PTPRD: variants seen among roughly 807,000 people sequenced by gnomAD.
PTPRD encodes the protein protein tyrosine phosphatase receptor type D, also known as receptor-type tyrosine-protein phosphatase delta.
In PTPRD, 34 loss-of-function variants were observed where a neutral mutation model predicts 214.5. The ratio of observed to expected loss-of-function variants is 0.16; its 90% CI spans 0.12 to 0.21. PTPRD has a LOEUF of 0.21. Ranked by LOEUF, PTPRD falls within the 10% of genes least tolerant of loss-of-function variation. The pLI is 1.00. For synonymous variants in PTPRD, 1,128 were observed against 845.7 expected (o/e 1.33, Z -5.79); for missense variants, 2,545 against 2,398.7 (o/e 1.06, Z -1.27).
chr9:10,329,417 A>T (rs548975606), intron 3 of PTPRD, among the ~76,000 whole-genome samples: 1 of 151,972 alleles, frequency 6.6e-6, no homozygotes, highest in Non-Finnish European at 1.5e-5. Context: ...AATAAAATTT[A>T]AAAAGTTATT....
At chr9:9,255,471 C>T (rs2099977324) in intron 9 of PTPRD, among the ~76,000 whole-genome samples, 1 of 152,014 alleles carries the variant, frequency 6.6e-6, no homozygotes, top group Non-Finnish European at 1.5e-5. Flanking sequence ...TAATAATGCT[C>T]TATCTCTAAA....
chr9:9,837,599 C>T (rs1448805360), intron 5 of PTPRD, among the ~76,000 whole-genome samples: 1 of 152,000 alleles, frequency 6.6e-6, no homozygotes, highest in Non-Finnish European at 1.5e-5. Context: ...AAAGCAAAGA[C>T]CTAGTTTCTT....
intron 12 of PTPRD, among the ~76,000 whole-genome samples, chr9:8,686,944 A>G (rs1482047451): frequency 2.0e-5 from 3 of 152,204 alleles, no homozygotes; most frequent in Non-Finnish European, 4.4e-5. Context: ...TAACTTCTCT[A>G]TGAAGCTAAT....
intron 31 of PTPRD, among the ~76,000 whole-genome samples, chr9:8,470,266 T>A (rs1430733008): frequency 6.6e-6 from 1 of 152,104 alleles, no homozygotes; most frequent in Non-Finnish European, 1.5e-5. Context: ...TCATATTTTC[T>A]TGCCTAAATA....
intron 39 of PTPRD, among the ~76,000 whole-genome samples, chr9:8,356,951 G>C (rs2077123481): frequency 6.6e-6 from 1 of 152,102 alleles, no homozygotes; most frequent in South Asian, 2.1e-4. Context: ...AAAATATATA[G>C]ATGATGAGTG....
chr9:10,121,957 T>TCA (rs1224043505), intron 3 of PTPRD, among the ~76,000 whole-genome samples: 1 of 152,174 alleles, frequency 6.6e-6, no homozygotes, highest in Non-Finnish European at 1.5e-5. Context: ...AAGACAAATC[T>TCA]CACACTCAGT....
At chr9:9,939,186 G>T (rs997730339) in intron 4 of PTPRD, among the ~76,000 whole-genome samples, 2 of 152,046 alleles carry the variant, frequency 1.3e-5, no homozygotes, top group African/African-American at 2.4e-5. Context: ...GAAATAGACC[G>T]CTTGACCTCA....
chr9:9,938,769 G>C (rs910861511), intron 4 of PTPRD, among the ~76,000 whole-genome samples, 159 bp from the exon 5 acceptor site: 1 of 152,104 alleles, frequency 6.6e-6, no homozygotes, highest in Non-Finnish European at 1.5e-5. Context: ...ATTTACATCT[G>C]AGGGATTAAT....
chr9:8,848,535 G>C (rs577491855), intron 11 of PTPRD, among the ~76,000 whole-genome samples: 2 of 148,922 alleles, frequency 1.3e-5, no homozygotes, highest in South Asian at 4.3e-4. Flanking sequence ...GGTAGAGACA[G>C]GGTCTTGCTA....
Position 10,488,213 on chromosome 9 carries a change from A to C in PTPRD, c.-600+124185T>G, listed in dbSNP as rs13290766. ...AAACCCCATCTCTACTAAAAATACA[A>C]AAAATTAGCTGGGCGCGGTGGCGGG... On this transcript the variant is annotated intron_variant, in intron 2 of 45. Coordinates refer to ENST00000381196, the MANE Select transcript of PTPRD (RefSeq NM_002839.4). 3.7e-3 allele frequency among the ~76,000 whole-genome samples: 559 copies of C among 151,760 alleles called. 2 individuals carry two copies. The highest frequency in any genetic ancestry group is 0.013 in the African/African-American group (535 of 41,362).
chr9:8,851,622 T>A (rs1226632637), intron 11 of PTPRD, among the ~76,000 whole-genome samples: 1 of 152,206 alleles, frequency 6.6e-6, no homozygotes, highest in Non-Finnish European at 1.5e-5. Flanking sequence ...TAGGAACTAG[T>A]GTTCTTGAAT....
intron 11 of PTPRD, among the ~76,000 whole-genome samples, chr9:8,803,738 T>C (rs1029683093): frequency 2.2e-5 from 3 of 135,832 alleles, no homozygotes; most frequent in Non-Finnish European, 4.8e-5. Context: ...TGTCTCAAAT[T>C]AAAAAAAAAA....
chr9:9,128,059 T>A (rs967346992), intron 10 of PTPRD, among the ~76,000 whole-genome samples: 7 of 152,158 alleles, frequency 4.6e-5, no homozygotes, highest in Admixed American at 2.6e-4. Context: ...TGTACTTTTT[T>A]AAAAAAGATG....
At chr9:8,571,551 T>C (rs931513236) in intron 14 of PTPRD, among the ~76,000 whole-genome samples, 2 of 152,188 alleles carry the variant, frequency 1.3e-5, no homozygotes, top group African/African-American at 2.4e-5. Context: ...CAAAAATCAA[T>C]GGTTTTCTTC....
intron 14 of PTPRD, among the ~76,000 whole-genome samples, chr9:8,552,895 C>T (rs1312045030): frequency 6.6e-6 from 1 of 152,168 alleles, no homozygotes; most frequent in East Asian, 1.9e-4. Context: ...CGCTGTGTGA[C>T]AAACACTTCT....
At chr9:8,828,731 TAATA>T (rs1306323140) in intron 11 of PTPRD, among the ~76,000 whole-genome samples, 1 of 152,168 alleles carries the variant, frequency 6.6e-6, no homozygotes, top group East Asian at 1.9e-4. Flanking sequence ...AAAACATATA[TAATA>T]AATTGTTAAG....
chr9:9,415,839 A>G (rs1335932953), intron 8 of PTPRD, among the ~76,000 whole-genome samples: 1 of 152,186 alleles, frequency 6.6e-6, no homozygotes. Flanking sequence ...AGCAGGAAAG[A>G]TTGATTTCAT....
At chr9:8,650,476 GAT>G (rs1304471921) in intron 12 of PTPRD, among the ~76,000 whole-genome samples, 1 of 145,482 alleles carries the variant, frequency 6.9e-6, no homozygotes, top group Non-Finnish European at 1.5e-5. Context: ...GGTGAGCCGA[GAT>G]CGTGTCATTG....
chr9:10,502,001 G>C (rs1046639884), intron 2 of PTPRD, among the ~76,000 whole-genome samples: 2 of 152,010 alleles, frequency 1.3e-5, no homozygotes, highest in Non-Finnish European at 1.5e-5. Context: ...CTAGTGTACA[G>C]AGTTGAGAAC....
Sources: gnomAD v4.1 joint callset for allele counts (sites outside exome capture counted in the v4.1 genomes callset) on GRCh38, gnomAD v4.1.1 for gene constraint, MANE v1.5 for transcripts, NCBI Gene and HGNC (gene_info 2026-07-23, HGNC 2026-07-21) for gene names.